Variants in KCTD8 observed in about 807,000 individuals in gnomAD.
The protein encoded by KCTD8 is potassium channel tetramerization domain containing 8, also known as BTB/POZ domain-containing protein KCTD8.
A neutral mutation model predicts 31.5 loss-of-function variants in KCTD8; 27 were observed. The observed-to-expected ratio is 0.86, with a 90% confidence interval of 0.63 to 1.18. The LOEUF is 1.18. Among genes scored for constraint, KCTD8 ranks in the 50% most tolerant of loss-of-function variants. The pLI is 0.00. For missense variants in KCTD8, 658 were observed against 647.7 expected (o/e 1.02, Z -0.17); for synonymous variants, 290 against 280.0 (o/e 1.04, Z -0.36).
In KCTD8 at chr4:44,368,095, G is replaced by A. The variant is rs1055468409; in HGVS notation, c.961+79468C>T. Reference sequence around the variant, plus strand: ...TTATATCAGTCTTAAAAGCAAATCAGGCCAGTTGTGGTGGCTCATGCCTGT... The same window carrying A: ...TTATATCAGTCTTAAAAGCAAATCAAGCCAGTTGTGGTGGCTCATGCCTGT... On this transcript the variant is annotated intron_variant, in intron 1 of 1. Transcript: ENST00000360029. 3.9e-5 allele frequency among the ~76,000 whole-genome samples: 6 copies of A among 152,228 alleles called. No individual in the cohort carries two copies. The East Asian group carries it at 7.7e-4, about 20-fold the overall frequency.
At chr4:44,313,297 A>G (rs1718007594) in intron 1 of KCTD8, among the ~76,000 whole-genome samples, 1 of 152,172 alleles carries the variant, frequency 6.6e-6, no homozygotes, top group Admixed American at 6.5e-5. Context: ...AACTGAACAC[A>G]TTAACAAAGG....
intron 1 of KCTD8, among the ~76,000 whole-genome samples, chr4:44,314,456 G>A (rs897434520): frequency 6.6e-6 from 1 of 152,114 alleles, no homozygotes; most frequent in African/African-American, 2.4e-5. Flanking sequence ...TATCATAGAA[G>A]CCAATTAATA....
intron 1 of KCTD8, among the ~76,000 whole-genome samples, chr4:44,185,003 G>A (rs911463338): frequency 2.6e-5 from 4 of 152,136 alleles, no homozygotes; most frequent in African/African-American, 9.7e-5. Flanking sequence ...TGCAGCATAA[G>A]AAAAGAAATA....
chr4:44,227,223 A>AT (rs1647883201), intron 1 of KCTD8, among the ~76,000 whole-genome samples: 1 of 152,108 alleles, frequency 6.6e-6, no homozygotes, highest in Non-Finnish European at 1.5e-5. Flanking sequence ...TGTATAAGGT[A>AT]TAAGGAAGGG....
chr4:44,182,265 G>A (rs555712214), intron 1 of KCTD8, among the ~76,000 whole-genome samples: 212 of 152,338 alleles, frequency 1.4e-3, no homozygotes, highest in African/African-American at 4.9e-3. Context: ...CCCTCTGCCC[G>A]GCCACCACCC....
intron 1 of KCTD8, among the ~76,000 whole-genome samples, chr4:44,352,358 G>C (rs1268307305): frequency 2.0e-5 from 3 of 151,228 alleles, no homozygotes; most frequent in African/African-American, 7.3e-5. Flanking sequence ...TGATTGATAA[G>C]GATGGGAAAT....
chr4:44,301,833 G>C (rs1204185813), intron 1 of KCTD8, among the ~76,000 whole-genome samples: 1 of 152,140 alleles, frequency 6.6e-6, no homozygotes, highest in African/African-American at 2.4e-5. Flanking sequence ...TTTTCTTCTA[G>C]GGTTTCTATG....
In KCTD8 at chr4:44,353,397, A is replaced by C. The variant is rs143179415; in HGVS notation, c.961+94166T>G. On this transcript the variant is annotated intron_variant, in intron 1 of 1. Coordinates refer to ENST00000360029, the MANE Select transcript of KCTD8 (RefSeq NM_198353.3). ...GGGATACATGTGATAGTTTAATACA[A>C]GCATACAATGTGTAATGATTAAATT... Among the ~76,000 whole-genome samples the C allele has an allele frequency of 1.7e-3, 256 of 152,198 alleles. 2 individuals carry two copies. The highest frequency in any genetic ancestry group is 5.9e-3 in the African/African-American group (246 of 41,566).
chr4:44,353,928 G>T (rs988610884), intron 1 of KCTD8, among the ~76,000 whole-genome samples: 1 of 152,026 alleles, frequency 6.6e-6, no homozygotes, highest in Non-Finnish European at 1.5e-5. Context: ...ATGTTACTGG[G>T]GTTGGAAAAT....
chr4:44,331,702 T>C (rs539803114), intron 1 of KCTD8, among the ~76,000 whole-genome samples: 2 of 149,922 alleles, frequency 1.3e-5, no homozygotes, highest in Non-Finnish European at 3.0e-5. Flanking sequence ...TGGAAATATA[T>C]GTGGAGATGT....
At chr4:44,369,479 T>C (rs1252807674) in intron 1 of KCTD8, among the ~76,000 whole-genome samples, 1 of 152,218 alleles carries the variant, frequency 6.6e-6, no homozygotes, top group Non-Finnish European at 1.5e-5. Flanking sequence ...CTTCTGAATT[T>C]TGCTAAACTT....
intron 1 of KCTD8, among the ~76,000 whole-genome samples, chr4:44,407,123 G>A (rs2109460842): frequency 1.3e-5 from 2 of 152,086 alleles, no homozygotes; most frequent in Admixed American, 6.5e-5. Flanking sequence ...GTTTTACATT[G>A]TCCTTATTTC....
At chr4:44,423,080 T>G (rs1214000306) in intron 1 of KCTD8, among the ~76,000 whole-genome samples, 1 of 152,062 alleles carries the variant, frequency 6.6e-6, no homozygotes, top group African/African-American at 2.4e-5. Flanking sequence ...TCTGAAAATC[T>G]GGGAACATTT....
At chr4:44,208,531 G>GA (rs1458366688) in intron 1 of KCTD8, among the ~76,000 whole-genome samples, 3 of 152,098 alleles carry the variant, frequency 2.0e-5, no homozygotes, top group African/African-American at 2.4e-5. Flanking sequence ...AAATTATATT[G>GA]AAAATCACAA....
chr4:44,323,198 A>G (rs1039840713), intron 1 of KCTD8, among the ~76,000 whole-genome samples: 3 of 151,972 alleles, frequency 2.0e-5, no homozygotes, highest in South Asian at 2.1e-4. Context: ...TTTTATTTTC[A>G]TATAATAACA....
At chr4:44,396,662 G>C (rs1172153307) in intron 1 of KCTD8, among the ~76,000 whole-genome samples, 3 of 151,912 alleles carry the variant, frequency 2.0e-5, no homozygotes, top group Non-Finnish European at 4.4e-5. Context: ...TCAAATCTTG[G>C]TTACCCTAAC....
intron 1 of KCTD8, among the ~76,000 whole-genome samples, chr4:44,423,841 G>A (rs1721281987): frequency 6.6e-6 from 1 of 152,084 alleles, no homozygotes; most frequent in Non-Finnish European, 1.5e-5. Context: ...AGTTTTATCT[G>A]AAAAGATTTA....
intron 1 of KCTD8, among the ~76,000 whole-genome samples, chr4:44,316,743 G>A (rs1052090653): frequency 1.5e-5 from 2 of 129,436 alleles, no homozygotes; most frequent in Non-Finnish European, 3.1e-5. Context: ...AAGGTCAGGA[G>A]ATCGAGACCA....
At chr4:44,222,332 C>T (rs1388512169) in intron 1 of KCTD8, among the ~76,000 whole-genome samples, 1 of 152,158 alleles carries the variant, frequency 6.6e-6, no homozygotes, top group Non-Finnish European at 1.5e-5. Flanking sequence ...ACTTCAAGGA[C>T]AAACTGAAAT....
Sources: allele counts gnomAD v4.1 joint callset (sites outside exome capture counted in the v4.1 genomes callset), GRCh38; gene constraint gnomAD v4.1.1; transcripts MANE v1.5; gene names NCBI Gene and HGNC (gene_info 2026-07-23, HGNC 2026-07-21).